TRAPPC12: variants seen among roughly 807,000 people sequenced by gnomAD.
The protein encoded by TRAPPC12 is trafficking protein particle complex subunit 12.
In TRAPPC12, 61 loss-of-function variants were observed where a neutral mutation model predicts 69.2. That is an observed-to-expected ratio of 0.88 (90% CI 0.72 to 1.09). The LOEUF (loss-of-function observed/expected upper bound fraction) is 1.09, where lower values mean the gene tolerates loss of function less well. Ranked by LOEUF, TRAPPC12 falls within the 50% of genes least tolerant of loss-of-function variation. TRAPPC12 has a pLI of 0.00. For synonymous variants in TRAPPC12, 469 were observed against 438.9 expected (o/e 1.07, Z -0.86); for missense variants, 1,101 against 1,016.4 (o/e 1.08, Z -1.13).
chr2:3,387,889 G>C lies in TRAPPC12; in HGVS notation c.266G>C (p.Arg89Pro), dbSNP rs761567333. Residue 89 changes from arginine (R) to proline (P), a missense_variant, in exon 2 of 12, where the codon CGG becomes CCG. Coordinates refer to ENST00000324266, the MANE Select transcript of TRAPPC12 (RefSeq NM_016030.6). ...GACGCGGGCGACCTGGGCCGAGTGC[G>C]GGACGAAGCTGAGCCCGGAGGGGAA... ...EGDAGDLGRVRDEAEPGGEGD... is the reference protein window; with the variant it reads ...EGDAGDLGRVPDEAEPGGEGD... The C allele has an allele frequency of 1.3e-6, 2 of 1,572,346 alleles. No individual in the cohort carries two copies. The highest frequency in any genetic ancestry group is 1.7e-6 in the Non-Finnish European group (2 of 1,156,872).
chr2:3,457,757 G>A, intron 7 of TRAPPC12, 64 bp downstream of exon 7: 1 of 1,587,866 alleles, frequency 6.3e-7, no homozygotes, highest in South Asian at 1.1e-5. Flanking sequence ...TGAGCCCAAA[G>A]CCTCTCGCTT....
At position 3,414,790 on chromosome 2, in the gene TRAPPC12, G is replaced by A. The variant is rs13027358; in HGVS notation, c.1165-7091G>A. ...TCCCCACCCCTGTGCCACCGGTCTC[G>A]GTGTCTCCCACACTGGAGTGTCCGT... On this transcript the variant is annotated intron_variant, in intron 3 of 11. Transcript: ENST00000324266. The surrounding 1 kb of genome is among the most constrained non-coding windows in gnomAD (Gnocchi z 4.9). 0.27 allele frequency among the ~76,000 whole-genome samples: 41,411 copies of A among 151,970 alleles called. 5,841 individuals are homozygous for A. The highest frequency in any genetic ancestry group is 0.41 in the East Asian group (2,114 of 5,136).
chr2:3,409,469 T>C (rs1237869218), intron 3 of TRAPPC12, among the ~76,000 whole-genome samples: 2 of 152,202 alleles, frequency 1.3e-5, no homozygotes, highest in African/African-American at 4.8e-5. Flanking sequence ...ATCATCTGGC[T>C]GGGCACAATG....
At chr2:3,400,671 C>T (rs1160422603) in intron 2 of TRAPPC12, among the ~76,000 whole-genome samples, 1 of 152,174 alleles carries the variant, frequency 6.6e-6, no homozygotes, top group Non-Finnish European at 1.5e-5. Context: ...GACTCTCCCT[C>T]GGCCTGCGGT....
At chr2:3,465,234 C>T (rs1164428152) in intron 8 of TRAPPC12, among the ~76,000 whole-genome samples, 1 of 152,240 alleles carries the variant, frequency 6.6e-6, no homozygotes, top group Non-Finnish European at 1.5e-5. Flanking sequence ...TTCGCCAACT[C>T]ACATGATAAC....
chr2:3,380,932 G>C (rs1342192416), intron 1 of TRAPPC12, among the ~76,000 whole-genome samples: 1 of 152,212 alleles, frequency 6.6e-6, no homozygotes, highest in Non-Finnish European at 1.5e-5. Flanking sequence ...TGGTCGGGAA[G>C]CTAAGACTCA....
intron 3 of TRAPPC12, among the ~76,000 whole-genome samples, chr2:3,410,540 A>T (rs998931604): frequency 2.0e-5 from 3 of 152,246 alleles, no homozygotes; most frequent in African/African-American, 7.2e-5. Context: ...GCCCTTGCAA[A>T]TAATTTTATT....
At chr2:3,434,727 C>G in intron 5 of TRAPPC12, among the ~76,000 whole-genome samples, 1 of 152,228 alleles carries the variant, frequency 6.6e-6, no homozygotes, top group East Asian at 1.9e-4. Flanking sequence ...TGCAGAGCGG[C>G]TGCCAAGTGG....
chr2:3,393,820 CT>C (rs1660968579), intron 2 of TRAPPC12, among the ~76,000 whole-genome samples: 1 of 152,034 alleles, frequency 6.6e-6, no homozygotes, highest in African/African-American at 2.4e-5. Flanking sequence ...AGTATGTGAG[CT>C]TAGGAAGAGC....
At chr2:3,408,157 C>T (rs990767875) in intron 3 of TRAPPC12, among the ~76,000 whole-genome samples, 7 of 152,194 alleles carry the variant, frequency 4.6e-5, no homozygotes, top group African/African-American at 1.7e-4. Context: ...AACACGTGTG[C>T]TTGACATGTG....
intron 5 of TRAPPC12, among the ~76,000 whole-genome samples, chr2:3,436,823 A>T (rs71449667): frequency 1.4e-3 from 32 of 23,222 alleles, no homozygotes; most frequent in Non-Finnish European, 1.6e-3. Context: ...CCATCACCCC[A>T]GGATTAATAC....
At chr2:3,471,731 T>C (rs1572210012) in intron 9 of TRAPPC12, among the ~76,000 whole-genome samples, 1 of 152,214 alleles carries the variant, frequency 6.6e-6, no homozygotes, top group South Asian at 2.1e-4. Context: ...TTCTTAGAAT[T>C]ACTTCACTCC....
intron 5 of TRAPPC12, among the ~76,000 whole-genome samples, chr2:3,425,752 A>T (rs2103063022): frequency 6.6e-6 from 1 of 152,342 alleles, no homozygotes; most frequent in South Asian, 2.1e-4. Context: ...TTGGAGGTAG[A>T]AAATATTTAA....
rs73910563 is a variant in TRAPPC12, at chr2:3,478,827, A to G, written c.1878-19A>G. ...TCCTGGGCTTTCCCCGCTAACTGCC[A>G]CCGTTGCTTGTGTTACAGCGCGTTC... On this transcript the variant is annotated intron_variant, in intron 10 of 11. Coordinates refer to ENST00000324266, the MANE Select transcript of TRAPPC12 (RefSeq NM_016030.6). The G allele has an allele frequency of 5.6e-5, 90 of 1,612,712 alleles. No individual in the cohort carries two copies. The African/African-American group carries it at 1.1e-3, about 20-fold the overall frequency.
chr2:3,425,404 A>G (rs1430066714), intron 5 of TRAPPC12, among the ~76,000 whole-genome samples: 1 of 152,214 alleles, frequency 6.6e-6, no homozygotes, highest in Non-Finnish European at 1.5e-5. Flanking sequence ...AGGCATCCCC[A>G]GTTACATCCT....
intron 8 of TRAPPC12, 85 bp downstream of exon 8, chr2:3,460,421 A>G: frequency 1.3e-6 from 1 of 780,226 alleles, no homozygotes; most frequent in Non-Finnish European, 2.2e-6. Context: ...GGTATAATAG[A>G]TGCTGGCAGG....
intron 5 of TRAPPC12, among the ~76,000 whole-genome samples, chr2:3,438,565 C>CG (rs1664015492): frequency 7.6e-6 from 1 of 130,752 alleles, no homozygotes; most frequent in Non-Finnish European, 1.7e-5. Context: ...TTGATCCCCC[C>CG]TCACCCCTGG....
At chr2:3,422,515 T>TA (rs1662868553) in intron 4 of TRAPPC12, among the ~76,000 whole-genome samples, 2 of 152,260 alleles carry the variant, frequency 1.3e-5, no homozygotes, top group East Asian at 3.8e-4. Flanking sequence ...CAAACGTTGA[T>TA]ACATTCTTAC....
intron 5 of TRAPPC12, among the ~76,000 whole-genome samples, chr2:3,433,068 C>T (rs752493653): frequency 6.6e-6 from 1 of 151,874 alleles, no homozygotes; most frequent in Non-Finnish European, 1.5e-5. Flanking sequence ...TTTTAATTTA[C>T]AATGCCACAT....
Sources: gnomAD v4.1 joint callset for allele counts (sites outside exome capture counted in the v4.1 genomes callset) on GRCh38, gnomAD v4.1.1 for gene constraint, Gnocchi (gnomAD v3.1) non-coding constraint, MANE v1.5 for transcripts, NCBI Gene and HGNC (gene_info 2026-07-23, HGNC 2026-07-21) for gene names.